CDYL: variants seen among roughly 807,000 people sequenced by gnomAD.
The protein encoded by CDYL is chromodomain Y-like protein.
In CDYL, 8 loss-of-function variants were observed where a neutral mutation model predicts 47.3. The ratio of observed to expected loss-of-function variants is 0.17; its 90% CI spans 0.10 to 0.31. The LOEUF (loss-of-function observed/expected upper bound fraction) is 0.31, where lower values mean the gene tolerates loss of function less well. Among genes scored for constraint, CDYL ranks in the 10% least tolerant of loss-of-function variants. The probability of loss-of-function intolerance (pLI) is 1.00; values close to 1 mark genes in which losing one functional copy is unlikely to be tolerated. For missense variants in CDYL, 471 were observed against 701.4 expected (o/e 0.67, Z 3.71); for synonymous variants, 266 against 265.0 (o/e 1.00, Z -0.04).
chr6:4,850,121 A>T lies in CDYL; in HGVS notation c.25-41592A>T, dbSNP rs927444078. Among the ~76,000 whole-genome samples, 3 of 152,236 alleles carry T rather than the reference A, an allele frequency of 2.0e-5. No individual in the cohort carries two copies. The East Asian group carries it at 5.8e-4, about 29-fold the overall frequency. On this transcript the variant is annotated intron_variant, in intron 1 of 6. Coordinates refer to ENST00000397588, the MANE Select transcript of CDYL (RefSeq NM_004824.4). ...TTATTAGTAGTAACAAGGGCCTTAT[A>T]ATTGCACATAGGATAACTGTATTTG...
At position 4,900,779 on chromosome 6, in the gene CDYL, GTATATATATATATATATA is replaced by G. The variant is rs59594195; in HGVS notation, c.691+8434_691+8451del. Among the ~76,000 whole-genome samples, 354 of 51,712 alleles carry G rather than the reference GTATATATATATATATATA, an allele frequency of 6.8e-3. 53 individuals are homozygous for G. The highest frequency in any genetic ancestry group is 0.014 in the East Asian group (23 of 1,672). 33.9% of individuals were successfully genotyped at this position (51,712 alleles called of 152,430 possible). ...TCTTCTGTTAATTCCGTATACGTGTGTATATATATATATATATATATATATATATATATATATATATAT... is the reference window on the plus strand; with the variant it reads ...TCTTCTGTTAATTCCGTATACGTGTGTATATATATATATATATATATATAT... On this transcript the variant is annotated intron_variant, in intron 2 of 6. Transcript: ENST00000397588.
At chr6:4,810,176 A>G (rs6918626) in intron 1 of CDYL, among the ~76,000 whole-genome samples, 13,081 of 152,192 alleles carry the variant, frequency 0.086, 686 homozygotes, top group South Asian at 0.14. Flanking sequence ...TAATGACATA[A>G]TGCATAGTTG....
chr6:4,818,433 G>A (rs1054536404), intron 1 of CDYL, among the ~76,000 whole-genome samples: 1 of 152,130 alleles, frequency 6.6e-6, no homozygotes. Flanking sequence ...GCGGTGTGAG[G>A]TATGTACAGT....
At chr6:4,862,616 A>T (rs903274517) in intron 1 of CDYL, among the ~76,000 whole-genome samples, 7 of 152,214 alleles carry the variant, frequency 4.6e-5, no homozygotes, top group Non-Finnish European at 8.8e-5. Context: ...GTGAATGCCC[A>T]CTATAGCTAT....
chr6:4,753,159 G>A (rs549551545), intron 3 of CDYL, among the ~76,000 whole-genome samples: 48 of 152,206 alleles, frequency 3.2e-4, no homozygotes, highest in Middle Eastern at 3.4e-3. Flanking sequence ...CAATCTGCCC[G>A]CCTCTGCCTC....
chr6:4,729,263 G>A (rs561265756), intron 2 of CDYL, among the ~76,000 whole-genome samples: 15 of 152,202 alleles, frequency 9.9e-5, no homozygotes, highest in African/African-American at 3.6e-4. Flanking sequence ...ATCCGGCAAG[G>A]TCCTAAAGAG....
chr6:4,765,204 C>T (rs1038303891), intron 3 of CDYL, among the ~76,000 whole-genome samples: 14 of 152,014 alleles, frequency 9.2e-5, no homozygotes, highest in African/African-American at 3.4e-4. Context: ...CACTTGTAAT[C>T]CCAGCTACTT....
intron 1 of CDYL, among the ~76,000 whole-genome samples, chr6:4,825,351 A>G (rs941711548): frequency 2.0e-5 from 3 of 152,166 alleles, no homozygotes; most frequent in Non-Finnish European, 4.4e-5. Context: ...TGTCCTATAT[A>G]TAGAATTGTG....
chr6:4,713,048 G>A (rs538986579), intron 1 of CDYL, among the ~76,000 whole-genome samples: 5 of 152,330 alleles, frequency 3.3e-5, no homozygotes, highest in Admixed American at 6.5e-5. Context: ...GGGAGGCTGA[G>A]GTGGGAGGAT....
chr6:4,947,513 A>G (rs918703132), intron 5 of CDYL, among the ~76,000 whole-genome samples: 2 of 151,914 alleles, frequency 1.3e-5, no homozygotes, highest in Admixed American at 6.6e-5. Context: ...GCTTGCACCC[A>G]TGTCCCTGCC....
At chr6:4,721,498 C>T (rs1044959891) in intron 2 of CDYL, among the ~76,000 whole-genome samples, 5 of 152,148 alleles carry the variant, frequency 3.3e-5, no homozygotes, top group African/African-American at 1.2e-4. Flanking sequence ...ATTCTCATGC[C>T]TCAGCCTCCC....
intron 1 of CDYL, among the ~76,000 whole-genome samples, chr6:4,871,831 G>A (rs150009983): frequency 2.8e-3 from 423 of 152,192 alleles, no homozygotes; most frequent in African/African-American, 9.6e-3. Flanking sequence ...TTCATGTTAC[G>A]GCTCTAGGAA....
chr6:4,789,364 G>A (rs61693649), intron 1 of CDYL, among the ~76,000 whole-genome samples: 3,170 of 152,208 alleles, frequency 0.021, 90 homozygotes, highest in African/African-American at 0.073. Flanking sequence ...GTGACCTGCC[G>A]CGCCTGGCTG....
At chr6:4,884,778 A>G (rs530903386) in intron 1 of CDYL, among the ~76,000 whole-genome samples, 8 of 152,330 alleles carry the variant, frequency 5.3e-5, no homozygotes, top group African/African-American at 1.9e-4. Context: ...CTATTGTTCC[A>G]GCAGTTTTTA....
chr6:4,743,246 T>C (rs543828910), intron 3 of CDYL, among the ~76,000 whole-genome samples: 2 of 152,316 alleles, frequency 1.3e-5, no homozygotes, highest in South Asian at 4.1e-4. Flanking sequence ...GGAAAGTGCC[T>C]GGGGCCACAG....
chr6:4,767,259 T>TA (rs35058381), intron 3 of CDYL, among the ~76,000 whole-genome samples: 3,529 of 144,938 alleles, frequency 0.024, 70 homozygotes, highest in African/African-American at 0.051. Flanking sequence ...TCATTCATGA[T>TA]AAAAAAAAAA....
intron 5 of CDYL, among the ~76,000 whole-genome samples, chr6:4,948,547 C>T (rs1758599576): frequency 6.6e-6 from 1 of 152,190 alleles, no homozygotes; most frequent in Non-Finnish European, 1.5e-5. Context: ...GACCTCACCC[C>T]TGGGGAACAA....
At chr6:4,951,715 A>G (rs1490026754) in intron 5 of CDYL, among the ~76,000 whole-genome samples, 3 of 152,078 alleles carry the variant, frequency 2.0e-5, no homozygotes, top group African/African-American at 4.8e-5. Flanking sequence ...TGCCATTAGA[A>G]TATTTTTTCT....
intron 1 of CDYL, among the ~76,000 whole-genome samples, chr6:4,857,194 C>T (rs1453817899): frequency 6.6e-6 from 1 of 152,158 alleles, no homozygotes; most frequent in Non-Finnish European, 1.5e-5. Flanking sequence ...TTTCTGTGTA[C>T]AGTTCACTGG....
Sources: allele counts gnomAD v4.1 joint callset (sites outside exome capture counted in the v4.1 genomes callset), GRCh38; gene constraint gnomAD v4.1.1; transcripts MANE v1.5; gene names NCBI Gene and HGNC (gene_info 2026-07-23, HGNC 2026-07-21).